Variants in PSMD13 observed in about 807,000 individuals in gnomAD.
PSMD13 encodes proteasome 26S subunit, non-ATPase 13, also known as 26S proteasome non-ATPase regulatory subunit 13.
In PSMD13, 8 loss-of-function variants were observed where a neutral mutation model predicts 57.4. The observed-to-expected ratio is 0.14, with a 90% CI of 0.08 to 0.25. PSMD13 has a LOEUF of 0.25. Ranked by LOEUF, PSMD13 falls within the 10% of genes least tolerant of loss-of-function variation. The pLI is 1.00. For synonymous variants in PSMD13, 193 were observed against 168.2 expected (o/e 1.15, Z -1.14); for missense variants, 400 against 461.5 (o/e 0.87, Z 1.22).
Position 252,802 on chromosome 11 carries a change from C to G in PSMD13, c.*202C>G, listed in dbSNP as rs989007340. ...AGGGAGGAGGCTTCTTTGTGGGTCT[C>G]TCCTGCAGAGGGTGGGGGTCTCAGG... On this transcript the variant is annotated 3_prime_UTR_variant, in exon 13 of 13. Transcript: ENST00000532097. This position sits in a 1 kb window ranked among gnomAD's most constrained non-coding sequence, Gnocchi z 4.1. 1.8e-6 allele frequency: 1 copy of G among 558,176 alleles called. No homozygotes were observed. The highest frequency in any genetic ancestry group is 3.2e-6 in the Non-Finnish European group (1 of 311,278). 34.6% of individuals were successfully genotyped at this position (558,176 alleles called of 1,614,324 possible). A position where few individuals can be genotyped will look rare whatever the true frequency, so the allele number is the denominator to read the frequency against.
At chr11:245,798 C>T (rs1282363035) in intron 6 of PSMD13, among the ~76,000 whole-genome samples, 1 of 151,986 alleles carries the variant, frequency 6.6e-6, no homozygotes, top group Non-Finnish European at 1.5e-5. Flanking sequence ...TGTTCATGTC[C>T]TCATTGCCCT....
chr11:240,101 C>CTT (rs60869932), intron 2 of PSMD13, among the ~76,000 whole-genome samples: 7,680 of 51,102 alleles, frequency 0.15, 2,553 homozygotes, highest in Middle Eastern at 0.25. Context: ...ATGAGACCTG[C>CTT]TTTTTTTTTT....
intron 9 of PSMD13, among the ~76,000 whole-genome samples, chr11:249,348 G>C (rs1339637245): frequency 1.3e-5 from 2 of 152,078 alleles, no homozygotes; most frequent in Non-Finnish European, 2.9e-5. Context: ...AAGTCATAGT[G>C]ACCTAAGGTC....
Position 251,383 on chromosome 11 carries a change from G to T in PSMD13, c.838-163G>T. The T allele has an allele frequency of 1.6e-6, 1 of 633,300 alleles. No homozygotes were observed. The highest frequency in any genetic ancestry group is 2.7e-6 in the Non-Finnish European group (1 of 370,050). The allele number at this position is 633,300 out of a possible 1,614,324, so 39.2% of individuals were successfully genotyped here. ...TATCCTTCTTATCTAAGCATTAAAAGCTTGTTCTTAACAAGATATATGTCT... is the reference window on the plus strand; with the variant it reads ...TATCCTTCTTATCTAAGCATTAAAATCTTGTTCTTAACAAGATATATGTCT... On this transcript the variant is annotated intron_variant, in intron 10 of 12. Transcript: ENST00000532097. This position sits in a 1 kb window ranked among gnomAD's most constrained non-coding sequence, Gnocchi z 4.6.
chr11:244,627 C>T, intron 5 of PSMD13, 48 bp from the exon 6 acceptor site: 2 of 1,564,838 alleles, frequency 1.3e-6, no homozygotes, highest in East Asian at 4.5e-5. Flanking sequence ...CTTTGTTAGT[C>T]AACTGCCCAC....
chr11:244,813 C>T, intron 6 of PSMD13, 52 bp downstream of exon 6: 1 of 1,353,676 alleles, frequency 7.4e-7, no homozygotes, highest in East Asian at 2.4e-5. Flanking sequence ...ATTTAAAACC[C>T]TAGGAAAAAA....
In PSMD13 at chr11:242,432, G is replaced by A. The variant is rs924739713; in HGVS notation, c.175-1609G>A. On this transcript the variant is annotated intron_variant, in intron 2 of 12. Coordinates refer to ENST00000532097, the MANE Select transcript of PSMD13 (RefSeq NM_002817.4). Reference sequence around the variant, plus strand: ...CATTAACTTAATAGGTGAACAAAATGTGTATTTCAAATCTAATTGAAATTC... The same window carrying A: ...CATTAACTTAATAGGTGAACAAAATATGTATTTCAAATCTAATTGAAATTC... Among the ~76,000 whole-genome samples the A allele has an allele frequency of 7.2e-5, 11 of 151,752 alleles. No homozygotes were observed. In the East Asian group the frequency reaches 1.9e-3, roughly 27 times the overall value.
At position 237,035 on chromosome 11, in the gene PSMD13, G is replaced by C. The variant is rs761657199; in HGVS notation, c.-15G>C. ...ATCCCGGTTGTTCTTCTGTGCCGGG[G>C]GTCTTCCTGCTGTCATGAAGGACGT... is the stretch of plus-strand genomic sequence containing the variant. On this transcript the variant is annotated 5_prime_UTR_variant, in exon 1 of 13. Coordinates refer to ENST00000532097, the MANE Select transcript of PSMD13 (RefSeq NM_002817.4). 6 of 1,601,938 alleles carry C rather than the reference G, an allele frequency of 3.7e-6. No individual in the cohort carries two copies. The South Asian group carries it at 6.6e-5, about 18-fold the overall frequency.
chr11:238,983 C>G lies in PSMD13; in HGVS notation c.96-15C>G, dbSNP rs777822809. The G allele has an allele frequency of 3.1e-6, 5 of 1,612,508 alleles. No individual in the cohort carries two copies. In the East Asian group the frequency reaches 1.1e-4, roughly 36 times the overall value. ...GATATTAGGTTAGAGGTCTTAAGGG[C>G]TGTATGTTTTTCAGGTTGTGGCATC... On this transcript the variant is annotated splice_polypyrimidine_tract_variant and intron_variant, in intron 1 of 12. Coordinates refer to ENST00000532097, the MANE Select transcript of PSMD13 (RefSeq NM_002817.4).
intron 2 of PSMD13, among the ~76,000 whole-genome samples, chr11:239,817 C>A (rs1200381797): frequency 6.6e-6 from 1 of 152,078 alleles, no homozygotes; most frequent in Non-Finnish European, 1.5e-5. Context: ...TCTATGATGG[C>A]TTTCTCTGAT....
At chr11:244,113 G>A (rs775162473) in intron 3 of PSMD13, 38 bp downstream of exon 3, 21 of 1,606,474 alleles carry the variant, frequency 1.3e-5, no homozygotes, top group Middle Eastern at 1.7e-4. Flanking sequence ...TTGAAAATGA[G>A]TGCATTGATG....
Position 251,702 on chromosome 11 carries a change from G to A in PSMD13, c.918+76G>A. 6.5e-7 allele frequency: 1 copy of A among 1,544,188 alleles called. No homozygotes were observed. On this transcript the variant is annotated intron_variant, in intron 11 of 12. Transcript: ENST00000532097. This position sits in a 1 kb window ranked among gnomAD's most constrained non-coding sequence, Gnocchi z 4.6. The stretch of plus-strand genomic sequence containing the variant: ...GAGTCAAGGCTCTTGTGTGAGCGCT[G>A]TGCTCCCTAGACAGTAAAAAATGAC...
At position 251,897 on chromosome 11, in the gene PSMD13, C is replaced by G. The variant is rs1032631934; in HGVS notation, c.996C>G (p.His332Gln). 3 of 1,614,156 alleles carry G rather than the reference C, an allele frequency of 1.9e-6. No homozygotes were observed. The East Asian group carries it at 6.7e-5, about 36-fold the overall frequency. The change falls in exon 12 of 13, where the codon CAC becomes CAG. Residue 332 changes from histidine (H) to glutamine (Q), a missense_variant. Transcript: ENST00000532097. This position sits in a 1 kb window ranked among gnomAD's most constrained non-coding sequence, Gnocchi z 4.6. Reference protein sequence around the residue: ...GSIDEVDKRVHMTWVQPRVLD... With the variant: ...GSIDEVDKRVQMTWVQPRVLD... ...TAGACGAGGTGGACAAACGAGTCCACATGACCTGGGTGCAGCCCCGAGTGT... is the reference window on the plus strand; with the variant it reads ...TAGACGAGGTGGACAAACGAGTCCAGATGACCTGGGTGCAGCCCCGAGTGT...
chr11:238,673 AAAAG>A (rs1411205406), intron 1 of PSMD13, among the ~76,000 whole-genome samples: 6 of 152,352 alleles, frequency 3.9e-5, no homozygotes, highest in Non-Finnish European at 5.9e-5. Context: ...TCTGTCTCAA[AAAAG>A]AAAGAAAGAA....
Position 239,025 on chromosome 11 carries a change from G to A in PSMD13, c.123G>A (p.Val41=), listed in dbSNP as rs1043962704. Residue 41 remains valine (V), a synonymous_variant, in exon 2 of 13, where the codon GTG becomes GTA. Transcript: ENST00000532097. ...TGTGGCATCAGCTGACACTTCAGGT[G>A]CTTGATTTTGTGCAGGATCCGTGCT... The part of the protein sequence containing the change: ...KKLWHQLTLQ[V]LDFVQDPCFA... 1 of 1,614,034 alleles carries A rather than the reference G, an allele frequency of 6.2e-7. No homozygotes were observed. The highest frequency in any genetic ancestry group is 1.3e-5 in the African/African-American group (1 of 74,918).
In PSMD13 at chr11:237,138, C is replaced by A. The variant is rs571839484; in HGVS notation, c.89C>A (p.Thr30Lys). The A allele has an allele frequency of 5.0e-6, 8 of 1,612,132 alleles. No homozygotes were observed. In the Admixed American group the frequency reaches 1.3e-4, roughly 27 times the overall value. Residue 30 changes from threonine to lysine, a missense_variant, in exon 1 of 13, where the codon ACG becomes AAG. Physicochemically the swap from Thr to Lys is moderately conservative, Grantham distance 78. Transcript: ENST00000532097. ...TGGCACCGTCTGGAGGAGCTCTACA[C>A]GAAGAAGTGAGCGCCGAGCAGACGG... ...AVWHRLEELY[T>K]KKLWHQLTLQ...
chr11:250,803 C>T lies in PSMD13; in HGVS notation c.775C>T (p.Pro259Ser). The change falls in exon 10 of 13, where the codon CCT becomes TCT. Residue 259 changes from proline (P) to serine (S), a missense_variant and splice_region_variant. Coordinates refer to ENST00000532097, the MANE Select transcript of PSMD13 (RefSeq NM_002817.4). ...QTLKTAWGQQ[P>S]DLAANEAQLL... ...TTTTCTGTCTTTCTATACTTTACAG[C>T]CTGATTTAGCAGCTAATGAAGCCCA... is the stretch of plus-strand genomic sequence containing the variant. 2 of 1,613,612 alleles carry T rather than the reference C, an allele frequency of 1.2e-6. No homozygotes were observed. The highest frequency in any genetic ancestry group is 1.3e-5 in the African/African-American group (1 of 75,016).
chr11:240,101 C>CTGTTTTTTTTTTTTTTTTT (rs1859481990), intron 2 of PSMD13, among the ~76,000 whole-genome samples: 1 of 51,412 alleles, frequency 1.9e-5, no homozygotes. Context: ...ATGAGACCTG[C>CTGTTTTTTTTTTTTTTTTT]TTTTTTTTTT....
At chr11:238,104 G>C (rs956896960) in intron 1 of PSMD13, among the ~76,000 whole-genome samples, 1 of 152,218 alleles carries the variant, frequency 6.6e-6, no homozygotes, top group African/African-American at 2.4e-5. Flanking sequence ...TAGCCTTTGG[G>C]TTTTGGATGA....
Sources: allele counts gnomAD v4.1 joint callset (sites outside exome capture counted in the v4.1 genomes callset), GRCh38; gene constraint gnomAD v4.1.1; non-coding constraint Gnocchi (gnomAD v3.1); transcripts MANE v1.5; gene names NCBI Gene and HGNC (gene_info 2026-07-23, HGNC 2026-07-21).